GIT2: variants seen among roughly 807,000 people sequenced by gnomAD.
GIT2 encodes the protein ARF GTPase-activating protein GIT2.
GIT2 carries 32 observed loss-of-function variants against 100.3 expected under a neutral mutation model. That is an observed-to-expected ratio of 0.32 (90% confidence interval 0.24 to 0.43). GIT2 has a LOEUF of 0.43. Ranked by LOEUF, GIT2 falls within the 20% of genes least tolerant of loss-of-function variation. The pLI is 1.00. For missense variants in GIT2, 737 were observed against 975.1 expected, an observed-to-expected ratio of 0.76 and a Z score of 3.25; for synonymous variants, 353 against 364.1, an observed-to-expected ratio of 0.97 and a Z score of 0.35.
chr12:109,942,475 A>C (rs1233175074), intron 16 of GIT2, among the ~76,000 whole-genome samples: 2 of 152,012 alleles, frequency 1.3e-5, no homozygotes, highest in African/African-American at 4.8e-5. Context: ...CTGGGACTAC[A>C]GGCACCCACC....
In GIT2 at chr12:109,964,491, A is replaced by T. The variant is rs533010786; in HGVS notation, c.816+1035T>A. On this transcript the variant is annotated intron_variant, in intron 9 of 19. Transcript: ENST00000355312. The stretch of plus-strand genomic sequence containing the variant: ...AGGCTTTGGGAAAGCCGCTACCTAC[A>T]CTGGTCAGATTTCAGGTCCTTGAAT... Among the ~76,000 whole-genome samples, 75 of 152,100 alleles carry T rather than the reference A, an allele frequency of 4.9e-4. 1 individual carries two copies. Among genetic ancestry groups the T allele is most frequent in the Middle Eastern group, 6.3e-3 (2 of 316 alleles).
At chr12:109,938,590 T>G in intron 17 of GIT2, 22 bp from the exon 18 acceptor site, 1 of 1,545,830 alleles carries the variant, frequency 6.5e-7, no homozygotes, top group Non-Finnish European at 8.7e-7. Context: ...AAAGATGCAG[T>G]TAAATACAGC....
At chr12:109,960,670 C>A (rs1880837782) in intron 11 of GIT2, among the ~76,000 whole-genome samples, 2 of 152,164 alleles carry the variant, frequency 1.3e-5, no homozygotes, top group Non-Finnish European at 2.9e-5. Flanking sequence ...GACTAAAACA[C>A]CTTCATAATT....
At chr12:109,939,922 C>G (rs1476845257) in intron 16 of GIT2, 1 of 152,120 alleles carries the variant, frequency 6.6e-6, no homozygotes, top group Non-Finnish European at 1.5e-5. Context: ...CTTATATGAC[C>G]ACAGACCTTC....
intron 16 of GIT2, among the ~76,000 whole-genome samples, chr12:109,944,377 A>G (rs1000861323): frequency 1.3e-5 from 2 of 152,178 alleles, no homozygotes; most frequent in African/African-American, 4.8e-5. Context: ...TTACCCTTCC[A>G]TTAAAAAAGA....
chr12:109,999,206 G>A (rs1179339739), upstream of GIT2: 2 of 153,562 alleles, frequency 1.3e-5, no homozygotes, highest in Non-Finnish European at 2.9e-5. This position sits in a 1 kb window ranked among gnomAD's most constrained non-coding sequence, Gnocchi z 4.3. Context: ...TGGAGCAGGG[G>A]GAAAGAAGCT....
In GIT2 at chr12:109,948,569, T is replaced by G. The variant is rs960074641; in HGVS notation, c.1393-1065A>C. The G allele has an allele frequency of 2.9e-6, 4 of 1,380,168 alleles. No individual in the cohort carries two copies. 85.5% of individuals were successfully genotyped at this position (1,380,168 alleles called of 1,614,324 possible). A position where few individuals can be genotyped will look rare whatever the true frequency, so the allele number is the denominator to read the frequency against. On this transcript the variant is annotated intron_variant, in intron 14 of 19. Transcript: ENST00000355312. The surrounding 1 kb of genome is among the most constrained non-coding windows in gnomAD (Gnocchi z 4.3). ...TCTGCGCAGGGTCCTTCCCTTCTGG[T>G]GCGCCTTCATCTTCCATGGACATTC...
In GIT2 at chr12:109,951,178, T is replaced by A. The variant is rs745381147; in HGVS notation, c.1381A>T (p.Met461Leu). ...NNNLSDELRI[M>L]QKKLQTLQSE... is the part of the protein sequence containing the mutation. ...TATTAACATGTTACCTTTTTCTGCA[T>A]AATTCTCAGCTCGTCACTCAAGTTG... The change falls in exon 14 of 20, where the codon ATG (methionine) becomes TTG (leucine). Residue 461 changes from methionine (M) to leucine (L), a missense_variant. Coordinates refer to ENST00000355312, the MANE Select transcript of GIT2 (RefSeq NM_057169.5). 2 of 1,613,782 alleles carry A rather than the reference T, an allele frequency of 1.2e-6. No homozygotes were observed. Among genetic ancestry groups the A allele is most frequent in the South Asian group, 1.1e-5 (1 of 91,074 alleles).
At chr12:109,968,309 C>T (rs1882989033) in intron 7 of GIT2, among the ~76,000 whole-genome samples, 1 of 151,404 alleles carries the variant, frequency 6.6e-6, no homozygotes, top group African/African-American at 2.4e-5. Flanking sequence ...GTGCTAATGA[C>T]TAATCATGCC....
Position 109,996,355 on chromosome 12 carries a change from T to A in GIT2, c.-131A>T, listed in dbSNP as rs1319723839. ...GGCGGCGCCTCTCCCCTCAGCGCCT[T>A]GCAGCCTTGGCACAGCACGCACGCG... On this transcript the variant is annotated 5_prime_UTR_variant, in exon 1 of 20. Transcript: ENST00000355312. 2 of 624,860 alleles carry A rather than the reference T, an allele frequency of 3.2e-6. No homozygotes were observed. The highest frequency in any genetic ancestry group is 6.6e-5 in the East Asian group (2 of 30,358). The allele number at this position is 624,860 out of a possible 1,614,324, so 38.7% of individuals were successfully genotyped here. A position where few individuals can be genotyped will look rare whatever the true frequency, so the allele number is the denominator to read the frequency against.
Position 109,932,336 on chromosome 12 carries a change from C to T in GIT2, c.*642G>A, listed in dbSNP as rs7314498. 28,590 of 152,280 alleles carry T rather than the reference C, an allele frequency of 0.19. 4,951 individuals are homozygous for T. The highest frequency in any genetic ancestry group is 0.47 in the African/African-American group (19,338 of 41,428). The allele number at this position is 152,280 out of a possible 1,614,324, so 9.4% of individuals were successfully genotyped here. A position where few individuals can be genotyped will look rare whatever the true frequency, so the allele number is the denominator to read the frequency against. On this transcript the variant is annotated 3_prime_UTR_variant, in exon 20 of 20. Transcript: ENST00000355312. ...TGGAGCCTTCAAGATGACAAGAAAA[C>T]ATCAAGAGATAGGAGCTTGAGATAA...
At chr12:109,935,308 G>A (rs897515153) in intron 18 of GIT2, among the ~76,000 whole-genome samples, 2 of 152,160 alleles carry the variant, frequency 1.3e-5, no homozygotes, top group African/African-American at 4.8e-5. Flanking sequence ...AGAGAAAAAA[G>A]CAATGTCCAC....
At chr12:109,988,636 T>C (rs1887828651) in intron 4 of GIT2, among the ~76,000 whole-genome samples, 1 of 152,034 alleles carries the variant, frequency 6.6e-6, no homozygotes, top group Non-Finnish European at 1.5e-5. Context: ...ACGGATCACC[T>C]GAGCTCAGGA....
chr12:109,952,898 AG>A (rs1878308837), intron 13 of GIT2, 193 bp downstream of exon 13: 5 of 603,008 alleles, frequency 8.3e-6, no homozygotes, highest in South Asian at 8.2e-5. Context: ...ACTCCTCACA[AG>A]TTTTATAAAG....
At chr12:109,946,832 T>C (rs1565945231) in intron 15 of GIT2, among the ~76,000 whole-genome samples, 1 of 152,154 alleles carries the variant, frequency 6.6e-6, no homozygotes, top group Non-Finnish European at 1.5e-5. Context: ...CGTCTTGGAT[T>C]CTAAGGGCTC....
chr12:109,938,332 G>A, intron 18 of GIT2, 48 bp downstream of exon 18: 1 of 1,364,882 alleles, frequency 7.3e-7, no homozygotes, highest in Non-Finnish European at 1.0e-6. Flanking sequence ...TCCCTTTCTG[G>A]GCGCATAACT....
At chr12:109,969,260 CG>C (rs1350159497) in intron 7 of GIT2, among the ~76,000 whole-genome samples, 1 of 148,362 alleles carries the variant, frequency 6.7e-6, no homozygotes, top group Non-Finnish European at 1.5e-5. Context: ...CTCTGCCTCC[CG>C]GGTTCAAGCA....
chr12:109,970,233 C>T (rs553811389), intron 7 of GIT2, among the ~76,000 whole-genome samples: 3 of 152,178 alleles, frequency 2.0e-5, no homozygotes, highest in Admixed American at 6.5e-5. Context: ...GTGGCTCATG[C>T]CTGTAATCCC....
At chr12:109,944,563 G>A (rs1010588851) in intron 16 of GIT2, among the ~76,000 whole-genome samples, 1 of 152,186 alleles carries the variant, frequency 6.6e-6, no homozygotes, top group African/African-American at 2.4e-5. Context: ...TTACCCAAAC[G>A]CTGTGTATGG....
Sources: allele counts gnomAD v4.1 joint callset (sites outside exome capture counted in the v4.1 genomes callset), GRCh38; gene constraint gnomAD v4.1.1; non-coding constraint Gnocchi (gnomAD v3.1); transcripts MANE v1.5; gene names NCBI Gene and HGNC (gene_info 2026-07-23, HGNC 2026-07-21).